Variants in MAPK4 observed in about 807,000 individuals in gnomAD.
The protein encoded by MAPK4 is Erk3-related.
MAPK4 carries 22 observed loss-of-function variants against 47.7 expected under a neutral mutation model. The observed-to-expected ratio is 0.46, with a 90% CI of 0.33 to 0.66. MAPK4 has a LOEUF of 0.66. Among genes scored for constraint, MAPK4 ranks in the 30% least tolerant of loss-of-function variants. The pLI is 0.02. For missense variants in MAPK4, 736 were observed against 831.7 expected (o/e 0.88, Z 1.42); for synonymous variants, 390 against 365.7 (o/e 1.07, Z -0.76).
chr18:50,695,716 AG>A (rs1307031835), intron 2 of MAPK4, among the ~76,000 whole-genome samples: 2 of 152,222 alleles, frequency 1.3e-5, no homozygotes, highest in African/African-American at 2.4e-5. Flanking sequence ...ACGGAGGCAG[AG>A]GGAGCACCTG....
chr18:50,719,315 G>T (rs543326306), intron 3 of MAPK4, among the ~76,000 whole-genome samples: 2 of 151,812 alleles, frequency 1.3e-5, no homozygotes, highest in Admixed American at 6.6e-5. Context: ...GTCCTCAAAG[G>T]TCTGATGGTC....
intron 4 of MAPK4, among the ~76,000 whole-genome samples, chr18:50,723,127 A>G (rs1396671810): frequency 6.6e-6 from 1 of 152,116 alleles, no homozygotes; most frequent in African/African-American, 2.4e-5. Flanking sequence ...TGTTTACTTC[A>G]CTTCCAGGCA....
chr18:50,674,040 G>T (rs972416167), intron 2 of MAPK4, among the ~76,000 whole-genome samples: 3 of 152,096 alleles, frequency 2.0e-5, no homozygotes, highest in African/African-American at 7.2e-5. Context: ...AATGAAGTGG[G>T]AGGGCCTCGG....
chr18:50,664,014 G>C lies in MAPK4; in HGVS notation c.56G>C (p.Arg19Pro). The change falls in exon 2 of 6, where the codon CGC (arginine) becomes CCC (proline). Residue 19 changes from arginine (R) to proline (P), a missense_variant. Physicochemically the swap from Arg to Pro is moderately radical, Grantham distance 103. Coordinates refer to ENST00000400384, the MANE Select transcript of MAPK4 (RefSeq NM_002747.4). The surrounding 1 kb of genome is among the most constrained non-coding windows in gnomAD (Gnocchi z 6.0). Reference sequence around the variant, plus strand: ...GTCTATGGGTATGACCTCGGTGGGCGCTTTGTTGACTTCCAACCCCTGGGC... The same window carrying C: ...GTCTATGGGTATGACCTCGGTGGGCCCTTTGTTGACTTCCAACCCCTGGGC... ...ASVYGYDLGG[R>P]FVDFQPLGFG... The C allele has an allele frequency of 6.2e-7, 1 of 1,613,622 alleles. No homozygotes were observed. The highest frequency in any genetic ancestry group is 8.5e-7 in the Non-Finnish European group (1 of 1,180,022).
At chr18:50,620,501 A>G (rs549527837) in intron 1 of MAPK4, among the ~76,000 whole-genome samples, 3 of 152,218 alleles carry the variant, frequency 2.0e-5, no homozygotes, top group South Asian at 2.1e-4. Context: ...TATGCATGAG[A>G]TCACTCTGGC....
intron 2 of MAPK4, among the ~76,000 whole-genome samples, chr18:50,688,908 AAAG>A (rs983129243): frequency 3.3e-5 from 5 of 151,094 alleles, no homozygotes; most frequent in East Asian, 1.9e-4. Flanking sequence ...AAAAAAAAAA[AAAG>A]AAAGACAGTG....
At chr18:50,565,408 G>A (rs182899918) in intron 1 of MAPK4, among the ~76,000 whole-genome samples, 70 of 152,278 alleles carry the variant, frequency 4.6e-4, no homozygotes, top group African/African-American at 1.6e-3. Context: ...ACTGCCTCGG[G>A]AAATGAATGA....
At chr18:50,666,386 C>T (rs1398077254) in intron 2 of MAPK4, among the ~76,000 whole-genome samples, 2 of 152,230 alleles carry the variant, frequency 1.3e-5, no homozygotes, top group Non-Finnish European at 2.9e-5. Context: ...GTCTGCTCCT[C>T]TGGCTTATGG....
intron 1 of MAPK4, among the ~76,000 whole-genome samples, chr18:50,632,652 C>T (rs554977162): frequency 1.4e-5 from 2 of 140,068 alleles, no homozygotes; most frequent in Admixed American, 7.5e-5. Context: ...CAGAGTCTCA[C>T]TCTGACATCC....
At chr18:50,653,377 A>G (rs1236519346) in intron 1 of MAPK4, among the ~76,000 whole-genome samples, 3 of 152,236 alleles carry the variant, frequency 2.0e-5, no homozygotes, top group African/African-American at 4.8e-5. Flanking sequence ...ACTGGAGATC[A>G]GAGGCTAGAG....
chr18:50,710,464 C>G (rs976859456), intron 2 of MAPK4, among the ~76,000 whole-genome samples: 1 of 151,784 alleles, frequency 6.6e-6, no homozygotes, highest in Non-Finnish European at 1.5e-5. Context: ...GCCTGGGCAA[C>G]AGAGCGAGAC....
At chr18:50,601,973 T>C (rs1035926113) in intron 1 of MAPK4, among the ~76,000 whole-genome samples, 1 of 152,190 alleles carries the variant, frequency 6.6e-6, no homozygotes, top group African/African-American at 2.4e-5. Context: ...TATTTTGATA[T>C]TGCAAACCTT....
In MAPK4 at chr18:50,729,593, G is replaced by A. The variant is rs1911424269; in HGVS notation, c.1503G>A (p.Gln501=). The A allele has an allele frequency of 7.2e-7, 1 of 1,396,170 alleles. No individual in the cohort carries two copies. The allele number at this position is 1,396,170 out of a possible 1,614,324, so 86.5% of individuals were successfully genotyped here. Residue 501 remains glutamine (Q), a synonymous_variant, in exon 6 of 6, where the codon CAG becomes CAA. Transcript: ENST00000400384. ...TCGCGCAGTGGGTCAAGAGCACGCA[G>A]GGCGGCCCAGAGCACGCCAGCCCGC... ...LEIAQWVKST[Q]GGPEHASPPA...
intron 1 of MAPK4, among the ~76,000 whole-genome samples, chr18:50,583,433 C>T (rs1440309897): frequency 6.6e-6 from 1 of 151,958 alleles, no homozygotes; most frequent in African/African-American, 2.4e-5. Context: ...ACTAAAAATG[C>T]AAAAAATTAG....
chr18:50,598,709 C>A (rs896031019), intron 1 of MAPK4, among the ~76,000 whole-genome samples: 4 of 152,212 alleles, frequency 2.6e-5, no homozygotes, highest in African/African-American at 9.7e-5. Context: ...AGGATTCAGT[C>A]CAGAGTTTAG....
intron 1 of MAPK4, among the ~76,000 whole-genome samples, chr18:50,652,919 C>T (rs2043065849): frequency 6.6e-6 from 1 of 152,128 alleles, no homozygotes; most frequent in African/African-American, 2.4e-5. Flanking sequence ...GTATGGATTA[C>T]ACCTGTAATC....
rs886982579 is a variant in MAPK4 at position 50,664,253 on chromosome 18, A to T, written c.295A>T (p.Ser99Cys). The change falls in exon 2 of 6, where the codon AGC becomes TGC. Residue 99 changes from serine to cysteine, a missense_variant. Around this residue, in one of 3 missense-constraint regions of MAPK4, gnomAD observed 327 missense variants for 395.4 expected, o/e 0.83. Coordinates refer to ENST00000400384, the MANE Select transcript of MAPK4 (RefSeq NM_002747.4). This position sits in a 1 kb window ranked among gnomAD's most constrained non-coding sequence, Gnocchi z 6.0. ...TDLQGELFKF[S>C]VAYIVQEYME... is the part of the protein sequence containing the mutation. ...CCTGCAGGGTGAGCTGTTCAAGTTC[A>T]GCGTGGCGTACATCGTCCAGGAGTA... 3 of 1,613,842 alleles carry T rather than the reference A, an allele frequency of 1.9e-6. No homozygotes were observed. The highest frequency in any genetic ancestry group is 2.5e-6 in the Non-Finnish European group (3 of 1,179,942).
At chr18:50,583,784 A>G (rs1027347380) in intron 1 of MAPK4, among the ~76,000 whole-genome samples, 5 of 152,160 alleles carry the variant, frequency 3.3e-5, no homozygotes, top group African/African-American at 7.2e-5. Context: ...TCCTGTTGCT[A>G]TCAATTCTCC....
chr18:50,560,405 G>T (rs926938139), intron 1 of MAPK4, among the ~76,000 whole-genome samples, 162 bp downstream of exon 1: 19 of 152,064 alleles, frequency 1.2e-4, no homozygotes, highest in Non-Finnish European at 2.5e-4. Context: ...TGCCAAACTA[G>T]CGAGTTTCCG....
Sources: gnomAD v4.1 joint callset for allele counts (sites outside exome capture counted in the v4.1 genomes callset) on GRCh38, gnomAD v4.1.1 for gene constraint, gnomAD v4.1.1 regional missense constraint, Gnocchi (gnomAD v3.1) non-coding constraint, MANE v1.5 for transcripts, NCBI Gene and HGNC (gene_info 2026-07-23, HGNC 2026-07-21) for gene names.